MAP9: variants seen among roughly 807,000 people sequenced by gnomAD.
MAP9 encodes microtubule associated protein 9.
Under a neutral mutation model 75.2 loss-of-function variants are expected in MAP9, and 80 were observed. The ratio of observed to expected loss-of-function variants is 1.06; its 90% CI spans 0.89 to 1.28. MAP9 has a LOEUF of 1.28. MAP9 is among the 50% of genes most tolerant of loss of function. The pLI is 0.00. For synonymous variants in MAP9, 235 were observed against 237.3 expected (o/e 0.99, Z 0.09); for missense variants, 753 against 719.9 (o/e 1.05, Z -0.53).
chr4:155,375,672 A>C, intron 2 of MAP9, 104 bp downstream of exon 2: 1 of 619,048 alleles, frequency 1.6e-6, no homozygotes, highest in Non-Finnish European at 2.7e-6. Context: ...AAAGTAATAT[A>C]AGATTTACCC....
chr4:155,351,950 T>C (rs1488904961), intron 13 of MAP9, among the ~76,000 whole-genome samples: 1 of 152,034 alleles, frequency 6.6e-6, no homozygotes, highest in Non-Finnish European at 1.5e-5. Flanking sequence ...GTATTACTTA[T>C]ATAAACATGG....
Position 155,358,505 on chromosome 4 carries a change from C to A in MAP9, c.1051-986G>T, listed in dbSNP as rs549321222. 2.0e-5 allele frequency among the ~76,000 whole-genome samples: 3 copies of A among 152,208 alleles called. No individual in the cohort carries two copies. In the South Asian group the frequency reaches 6.2e-4, roughly 32 times the overall value. On this transcript the variant is annotated intron_variant, in intron 7 of 13. Transcript: ENST00000311277. ...TGCTCAAACACAAATTTTCAGCTAG[C>A]CCTGTTTTCTTCCGCTGATAATAAA...
Position 155,345,553 on chromosome 4 carries a change from C to A in MAP9, c.*2230G>T, listed in dbSNP as rs1731254728. ...GTAATGTCAAATAACCATTATCAAC[C>A]CTATCTATGTTAATGTTCGCACACT... is the stretch of plus-strand genomic sequence containing the variant. On this transcript the variant is annotated 3_prime_UTR_variant, in exon 14 of 14. Transcript: ENST00000311277. 6.6e-6 allele frequency: 1 copy of A among 151,912 alleles called. No homozygotes were observed. Among genetic ancestry groups the A allele is most frequent in the Non-Finnish European group, 1.5e-5 (1 of 67,956 alleles). The allele number at this position is 151,912 out of a possible 1,614,324, so 9.4% of individuals were successfully genotyped here.
At position 155,365,711 on chromosome 4, in the gene MAP9, G is replaced by C. The variant is rs1732291601; in HGVS notation, c.708+2875C>G. ...ATAATTAACATCAAAAGTATATCTA[G>C]AGAAAAAACAAGTATTTGAAAATAA... On this transcript the variant is annotated intron_variant, in intron 5 of 13. Coordinates refer to ENST00000311277, the MANE Select transcript of MAP9 (RefSeq NM_001039580.2). 2.6e-5 allele frequency among the ~76,000 whole-genome samples: 4 copies of C among 151,794 alleles called. No individual in the cohort carries two copies. The South Asian group carries it at 8.3e-4, about 31-fold the overall frequency.
intron 3 of MAP9, among the ~76,000 whole-genome samples, chr4:155,374,337 T>TCAAAAA (rs70954029): frequency 0.33 from 36,071 of 107,998 alleles, 5,233 homozygotes; most frequent in East Asian, 0.42. Context: ...AGACTCCATC[T>TCAAAAA]CAAAAACAAA....
chr4:155,353,441 G>T, intron 10 of MAP9, 101 bp from the exon 11 acceptor site: 1 of 945,660 alleles, frequency 1.1e-6, no homozygotes, highest in Non-Finnish European at 1.3e-6. Context: ...TTTATCTTTA[G>T]TCCTCTGATA....
intron 4 of MAP9, among the ~76,000 whole-genome samples, chr4:155,371,473 T>C (rs544966485): frequency 9.2e-5 from 14 of 152,044 alleles, no homozygotes; most frequent in East Asian, 1.9e-4. Flanking sequence ...AACTTTAATA[T>C]ATTTTCTACA....
chr4:155,362,290 G>A lies in MAP9; in HGVS notation c.709-149C>T, dbSNP rs1578849541. The A allele has an allele frequency of 2.7e-5, 15 of 547,652 alleles. No homozygotes were observed. In the East Asian group the frequency reaches 4.9e-4, roughly 18 times the overall value. 33.9% of individuals were successfully genotyped at this position (547,652 alleles called of 1,614,324 possible). Reference sequence around the variant, plus strand: ...CATTTGTTGCTGAAACGCAAAGTGTGACAAGCCAATGGAGGTAAGCATGCT... The same window carrying A: ...CATTTGTTGCTGAAACGCAAAGTGTAACAAGCCAATGGAGGTAAGCATGCT... On this transcript the variant is annotated intron_variant, in intron 5 of 13. Coordinates refer to ENST00000311277, the MANE Select transcript of MAP9 (RefSeq NM_001039580.2).
At chr4:155,373,737 G>A (rs74592703) in intron 3 of MAP9, among the ~76,000 whole-genome samples, 1,596 of 152,150 alleles carry the variant, frequency 0.01, 19 homozygotes, top group African/African-American at 0.037. Context: ...GTTTGCTCTG[G>A]AAAAAGCCAT....
chr4:155,362,264 G>C, intron 5 of MAP9, 123 bp from the exon 6 acceptor site: 1 of 619,456 alleles, frequency 1.6e-6, no homozygotes. Flanking sequence ...CATTATTTAG[G>C]CATTTGTTGC....
intron 5 of MAP9, among the ~76,000 whole-genome samples, chr4:155,363,811 TA>T (rs1732199041): frequency 6.6e-6 from 1 of 151,988 alleles, no homozygotes; most frequent in Non-Finnish European, 1.5e-5. Context: ...TATTCAATCT[TA>T]AAAACAAAGA....
At position 155,350,236 on chromosome 4, in the gene MAP9, C is replaced by A. The variant is rs1311145274; in HGVS notation, c.1822-2331G>T. 3 of 452,034 alleles carry A rather than the reference C, an allele frequency of 6.6e-6. No homozygotes were observed. The Admixed American group carries it at 7.1e-5, about 11-fold the overall frequency. The allele number at this position is 452,034 out of a possible 1,614,324, so 28.0% of individuals were successfully genotyped here. On this transcript the variant is annotated intron_variant, in intron 13 of 13. Transcript: ENST00000311277. ...CCTATACAGGGGCAATTTTTCTATT[C>A]TATCTGCAAACAAATTTCAATAAGA...
intron 7 of MAP9, among the ~76,000 whole-genome samples, chr4:155,359,689 A>C (rs1172781056): frequency 1.3e-5 from 2 of 152,084 alleles, no homozygotes; most frequent in Admixed American, 6.6e-5. Flanking sequence ...ACGAATAATA[A>C]TACTAATGTT....
At chr4:155,355,923 T>C (rs1731760965) in intron 8 of MAP9, 39 bp from the exon 9 acceptor site, 10 of 1,534,738 alleles carry the variant, frequency 6.5e-6, no homozygotes, top group Non-Finnish European at 9.0e-6. Flanking sequence ...AATATTACAA[T>C]TGCATTTGGT....
At position 155,363,798 on chromosome 4, in the gene MAP9, A is replaced by G. The variant is rs1483670323; in HGVS notation, c.709-1657T>C. ...GTAAACGTGAAGACTAAGTAATACA[A>G]GTTATTCAATCTTAAAAACAAAGAG... On this transcript the variant is annotated intron_variant, in intron 5 of 13. Coordinates refer to ENST00000311277, the MANE Select transcript of MAP9 (RefSeq NM_001039580.2). 2.0e-5 allele frequency among the ~76,000 whole-genome samples: 3 copies of G among 152,108 alleles called. No homozygotes were observed. In the East Asian group the frequency reaches 5.8e-4, roughly 29 times the overall value.
At chr4:155,371,701 T>C (rs1045236855) in intron 4 of MAP9, among the ~76,000 whole-genome samples, 2 of 151,780 alleles carry the variant, frequency 1.3e-5, no homozygotes, top group African/African-American at 2.4e-5. Context: ...TCTTATTCAT[T>C]GTAACCCACC....
rs137869187 is a variant in MAP9, at chr4:155,347,875, G to A, written c.1852C>T (p.Arg618Ter). 401 of 1,571,198 alleles carry A rather than the reference G, an allele frequency of 2.6e-4. 3 individuals carry two copies. The East Asian group carries it at 7.8e-3, about 31-fold the overall frequency. Residue 618 changes from arginine to a stop codon, truncating the protein, a stop_gained, in exon 14 of 14, where the codon CGA (arginine) becomes TGA (stop). Transcript: ENST00000311277. LOFTEE classifies it high-confidence loss of function. Reference sequence around the variant, plus strand: ...AAGGAATGACGTTTCTTCTGTTTTCGTTCAATTCTTTCTTGTTTTTCCTTA... The same window carrying A: ...AAGGAATGACGTTTCTTCTGTTTTCATTCAATTCTTTCTTGTTTTTCCTTA... ...ENKEKQERIE[R>*]KQKKRHSFLE...
At chr4:155,361,939 T>C (rs1268511283) in intron 6 of MAP9, 109 bp downstream of exon 6, 3 of 705,318 alleles carry the variant, frequency 4.3e-6, no homozygotes, top group African/African-American at 3.8e-5. Flanking sequence ...CTCAAACACA[T>C]AAAAACATAT....
At chr4:155,370,764 G>A (rs1560817127) in intron 4 of MAP9, among the ~76,000 whole-genome samples, 1 of 152,128 alleles carries the variant, frequency 6.6e-6, no homozygotes, top group Non-Finnish European at 1.5e-5. Context: ...TAGAACTTAC[G>A]CATCCCGCAT....
Sources: allele counts gnomAD v4.1 joint callset (sites outside exome capture counted in the v4.1 genomes callset), GRCh38; gene constraint gnomAD v4.1.1; transcripts MANE v1.5; gene names NCBI Gene and HGNC (gene_info 2026-07-23, HGNC 2026-07-21).